Variants in TFAP2D observed in about 807,000 individuals in gnomAD.
TFAP2D encodes the protein transcription factor AP-2-delta.
TFAP2D carries 9 observed loss-of-function variants against 43.6 expected under a neutral mutation model. The observed-to-expected ratio is 0.21, with a 90% confidence interval of 0.12 to 0.36. The LOEUF is 0.36. TFAP2D is among the 10% of genes least tolerant of loss of function. The probability of loss-of-function intolerance (pLI) is 1.00; values close to 1 mark genes in which losing one functional copy is unlikely to be tolerated. For synonymous variants in TFAP2D, 256 were observed against 224.9 expected, an observed-to-expected ratio of 1.14 and a Z score of -1.24; for missense variants, 513 against 561.4, an observed-to-expected ratio of 0.91 and a Z score of 0.87.
intron 5 of TFAP2D, among the ~76,000 whole-genome samples, chr6:50,736,233 A>G (rs1768961512): frequency 6.6e-6 from 1 of 152,144 alleles, no homozygotes. Context: ...GACCTCTTGT[A>G]TTAATAGCTC....
intron 7 of TFAP2D, among the ~76,000 whole-genome samples, chr6:50,770,183 C>G (rs893341620): frequency 6.6e-6 from 1 of 152,176 alleles, no homozygotes; most frequent in African/African-American, 2.4e-5. Context: ...TCCAACAATT[C>G]CATTTGTTGT....
rs1490732609 is a variant in TFAP2D at position 50,715,525 on chromosome 6, A to G, written c.449A>G (p.His150Arg). Reference sequence around the variant, plus strand: ...CGCCATGACCTGTCCCTCATGAGCCATGGCTCTCAGTATGGAATGCACCCA... The same window carrying G: ...CGCCATGACCTGTCCCTCATGAGCCGTGGCTCTCAGTATGGAATGCACCCA... ...YRRHDLSLMS[H>R]GSQYGMHPDQ... Residue 150 changes from histidine to arginine, a missense_variant, in exon 2 of 8, where the codon CAT (histidine) becomes CGT (arginine). Physicochemically the swap from His to Arg is conservative, Grantham distance 29. Around this residue, in one of 3 missense-constraint regions of TFAP2D, gnomAD observed 311 missense variants for 316.2 expected, o/e 0.98. Transcript: ENST00000008391. 6 of 1,612,798 alleles carry G rather than the reference A, an allele frequency of 3.7e-6. No homozygotes were observed. The highest frequency in any genetic ancestry group is 1.1e-5 in the South Asian group (1 of 91,078).
chr6:50,760,231 A>G (rs1258390083), intron 7 of TFAP2D, among the ~76,000 whole-genome samples: 4 of 152,030 alleles, frequency 2.6e-5, no homozygotes, highest in Non-Finnish European at 5.9e-5. Context: ...GAAATGCTGC[A>G]GAAGTTTATC....
intron 5 of TFAP2D, among the ~76,000 whole-genome samples, chr6:50,741,700 A>T (rs944872084): frequency 2.2e-4 from 26 of 117,070 alleles, no homozygotes; most frequent in Admixed American, 1.3e-3. Context: ...GTATTAAATT[A>T]AAAAAAAAAG....
At chr6:50,733,955 A>C (rs924763257) in intron 5 of TFAP2D, among the ~76,000 whole-genome samples, 1 of 151,364 alleles carries the variant, frequency 6.6e-6, no homozygotes. Context: ...ATAGAAGATC[A>C]AATTCTCTCT....
intron 3 of TFAP2D, among the ~76,000 whole-genome samples, chr6:50,724,596 C>A (rs750405986): frequency 1.4e-4 from 21 of 152,058 alleles, no homozygotes; most frequent in Non-Finnish European, 2.4e-4. Flanking sequence ...GCGCGGAGGC[C>A]GTGAGTATGG....
rs1441344848 is a variant in TFAP2D at position 50,739,459 on chromosome 6, T to C, written c.884-5648T>C. ...GTGTATATGTGCCACATTTTTTTAA[T>C]CCAGTCTATCATTGATGGACATTTG... is the stretch of plus-strand genomic sequence containing the variant. On this transcript the variant is annotated intron_variant, in intron 5 of 7. Transcript: ENST00000008391. Among the ~76,000 whole-genome samples, 4 of 152,166 alleles carry C rather than the reference T, an allele frequency of 2.6e-5. No homozygotes were observed. The South Asian group carries it at 8.3e-4, about 32-fold the overall frequency.
chr6:50,733,923 C>G (rs977586550), intron 5 of TFAP2D, among the ~76,000 whole-genome samples: 1 of 151,686 alleles, frequency 6.6e-6, no homozygotes. Flanking sequence ...AATATAAATA[C>G]CTTGAGCTGA....
intron 6 of TFAP2D, among the ~76,000 whole-genome samples, chr6:50,750,710 A>G (rs977216059): frequency 1.3e-5 from 2 of 152,014 alleles, no homozygotes; most frequent in African/African-American, 4.8e-5. Flanking sequence ...ACTGGTGATT[A>G]TCTGCTTCAA....
At chr6:50,727,410 G>A (rs1199762740) in intron 3 of TFAP2D, among the ~76,000 whole-genome samples, 1 of 152,128 alleles carries the variant, frequency 6.6e-6, no homozygotes, top group Non-Finnish European at 1.5e-5. Context: ...TCTACCACCG[G>A]TATAATATTC....
intron 7 of TFAP2D, among the ~76,000 whole-genome samples, chr6:50,764,414 T>C (rs776162493): frequency 6.6e-6 from 1 of 152,138 alleles, no homozygotes; most frequent in Non-Finnish European, 1.5e-5. Context: ...AACAAAACTT[T>C]GAAACAAAAC....
rs1768602747 is a variant in TFAP2D, at chr6:50,715,426, A to G, written c.350A>G (p.His117Arg). ...GAGCCCACCGACTTTATTAACCTGC[A>G]CAATGCGCGGGCGCTCAAGTCGTCC... ...HGEPTDFINL[H>R]NARALKSSCL... Residue 117 changes from histidine to arginine, a missense_variant, in exon 2 of 8, where the codon CAC becomes CGC. Coordinates refer to ENST00000008391, the MANE Select transcript of TFAP2D (RefSeq NM_172238.4). 6.2e-7 allele frequency: 1 copy of G among 1,614,176 alleles called. No individual in the cohort carries two copies. Among genetic ancestry groups the G allele is most frequent in the Non-Finnish European group, 8.5e-7 (1 of 1,180,046 alleles).
chr6:50,714,721 C>T (rs1023094027), intron 1 of TFAP2D, among the ~76,000 whole-genome samples: 1 of 152,094 alleles, frequency 6.6e-6, no homozygotes, highest in Non-Finnish European at 1.5e-5. Flanking sequence ...CGGGTGGACT[C>T]GTTCCTCTGC....
At chr6:50,771,339 C>T (rs1769525379) in intron 7 of TFAP2D, among the ~76,000 whole-genome samples, 1 of 152,140 alleles carries the variant, frequency 6.6e-6, no homozygotes, top group African/African-American at 2.4e-5. Context: ...TTGCATGTAT[C>T]ACTTCTCTTT....
chr6:50,748,206 C>T (rs1168525721), intron 6 of TFAP2D, among the ~76,000 whole-genome samples: 1 of 151,760 alleles, frequency 6.6e-6, no homozygotes, highest in Non-Finnish European at 1.5e-5. Context: ...AAATAATACC[C>T]TTTTTGTGCA....
At chr6:50,743,522 G>T (rs547091449) in intron 5 of TFAP2D, among the ~76,000 whole-genome samples, 1 of 151,874 alleles carries the variant, frequency 6.6e-6, no homozygotes, top group Non-Finnish European at 1.5e-5. Flanking sequence ...GCTAGGGACT[G>T]CAGGCATGCA....
Position 50,734,278 on chromosome 6 carries a change from G to A in TFAP2D, c.883+4966G>A, listed in dbSNP as rs532705392. On this transcript the variant is annotated intron_variant, in intron 5 of 7. Transcript: ENST00000008391. ...CTCCTCCCACCACCTCTTACCCTCA[G>A]AATAATATCATTTTTGAAGTAGGGC... is the stretch of plus-strand genomic sequence containing the variant. Among the ~76,000 whole-genome samples, 4 of 152,024 alleles carry A rather than the reference G, an allele frequency of 2.6e-5. No individual in the cohort carries two copies. The South Asian group carries it at 8.3e-4, about 32-fold the overall frequency.
rs538947072 is a variant in TFAP2D, at chr6:50,745,171, A to C, written c.948A>C (p.Ala316=). Residue 316 remains alanine (A), a synonymous_variant, in exon 6 of 8, where the codon GCA becomes GCC. Coordinates refer to ENST00000008391, the MANE Select transcript of TFAP2D (RefSeq NM_172238.4). ...GTGAAACAGAGTTTCCAGCCAAAGCAGTAGGAGAACATCTTGCCAGACAAC... is the reference window on the plus strand; with the variant it reads ...GTGAAACAGAGTTTCCAGCCAAAGCCGTAGGAGAACATCTTGCCAGACAAC... ...YTCETEFPAK[A]VGEHLARQHM... The C allele has an allele frequency of 6.6e-5, 107 of 1,613,666 alleles. No homozygotes were observed. Among genetic ancestry groups the C allele is most frequent in the Non-Finnish European group, 7.5e-5 (89 of 1,179,836 alleles).
At chr6:50,736,258 T>C (rs1768961919) in intron 5 of TFAP2D, among the ~76,000 whole-genome samples, 1 of 152,194 alleles carries the variant, frequency 6.6e-6, no homozygotes, top group African/African-American at 2.4e-5. Context: ...TGATGTTCAC[T>C]TTAGTCAGAC....
Sources: allele counts gnomAD v4.1 joint callset (sites outside exome capture counted in the v4.1 genomes callset), GRCh38; gene constraint gnomAD v4.1.1; regional missense constraint gnomAD v4.1.1; transcripts MANE v1.5; gene names NCBI Gene and HGNC (gene_info 2026-07-23, HGNC 2026-07-21).